Variants in SGIP1 observed in about 807,000 individuals in gnomAD.
The protein encoded by SGIP1 is SH3-containing GRB2-like protein 3-interacting protein 1.
In SGIP1, 38 loss-of-function variants were observed where a neutral mutation model predicts 107.5. That is an observed-to-expected ratio of 0.35 (90% CI 0.27 to 0.46). The LOEUF (loss-of-function observed/expected upper bound fraction) is 0.46, where lower values mean the gene tolerates loss of function less well. Ranked by LOEUF, SGIP1 falls within the 20% of genes least tolerant of loss-of-function variation. The pLI, the probability that SGIP1 is intolerant of heterozygous loss-of-function variation, is 1.00. For missense variants in SGIP1, 929 were observed against 1,019.5 expected (o/e 0.91, Z 1.21); for synonymous variants, 365 against 366.1 (o/e 1.00, Z 0.03).
At chr1:66,673,142 C>T (rs115460962) in intron 11 of SGIP1, 139 bp from the exon 12 acceptor site, 1 of 788,052 alleles carries the variant, frequency 1.3e-6, no homozygotes, top group African/African-American at 1.7e-5. Flanking sequence ...CCTAACGGGG[C>T]TTGTATACAC....
chr1:66,706,337 T>C (rs1210894787), intron 18 of SGIP1, among the ~76,000 whole-genome samples: 1 of 109,508 alleles, frequency 9.1e-6, no homozygotes, highest in Admixed American at 9.9e-5. Flanking sequence ...TTATATAATA[T>C]GTAAAATATA....
intron 18 of SGIP1, among the ~76,000 whole-genome samples, chr1:66,706,398 GT>G (rs1243722135): frequency 2.1e-4 from 30 of 144,224 alleles, no homozygotes; most frequent in Non-Finnish European, 3.5e-4. Flanking sequence ...ATATAAAATA[GT>G]TATATATAAA....
In SGIP1 at chr1:66,677,095, A is replaced by G. The variant is rs2085552470; in HGVS notation, c.738A>G (p.Gly246=). The G allele has an allele frequency of 6.2e-7, 1 of 1,613,060 alleles. No individual in the cohort carries two copies. The highest frequency in any genetic ancestry group is 8.5e-7 in the Non-Finnish European group (1 of 1,179,162). ...AGTTAACAAGGCCTTTTCCCACTGG[A>G]AGTAAGTTATGTGTCTGCTCTGTCT... ...SPKLTRPFPT[G]TPPPLPPKNV... The change falls in exon 13 of 25, where the codon GGA becomes GGG. Residue 246 remains glycine (G), a splice_region_variant and synonymous_variant. Transcript: ENST00000371037.
chr1:66,667,062 GC>G (rs2082721334), intron 8 of SGIP1: 1 of 153,228 alleles, frequency 6.5e-6, no homozygotes, highest in African/African-American at 2.4e-5. Flanking sequence ...TCTAAATCCT[GC>G]CTCTGATTTT....
At chr1:66,684,991 C>T (rs533658776) in intron 15 of SGIP1, among the ~76,000 whole-genome samples, 7 of 152,160 alleles carry the variant, frequency 4.6e-5, no homozygotes, top group Non-Finnish European at 1.0e-4. Flanking sequence ...AAATAAAACT[C>T]TGCAGTATTA....
At chr1:66,659,506 C>T (rs534087739) in intron 7 of SGIP1, among the ~76,000 whole-genome samples, 1 of 152,280 alleles carries the variant, frequency 6.6e-6, no homozygotes, top group Admixed American at 6.5e-5. Context: ...ATTTCATGAC[C>T]GTGCCCAGCT....
At chr1:66,569,519 A>G (rs539457182) in intron 1 of SGIP1, among the ~76,000 whole-genome samples, 1 of 151,662 alleles carries the variant, frequency 6.6e-6, no homozygotes, top group Non-Finnish European at 1.5e-5. Flanking sequence ...TAGCCTGTTG[A>G]TGTAATGGAT....
intron 1 of SGIP1, among the ~76,000 whole-genome samples, chr1:66,571,813 GC>G (rs2060421516): frequency 6.6e-6 from 1 of 150,806 alleles, no homozygotes; most frequent in South Asian, 2.1e-4. Context: ...CCCACCATAT[GC>G]CTTTTCATGA....
intron 1 of SGIP1, among the ~76,000 whole-genome samples, chr1:66,562,193 G>A (rs927797508): frequency 6.6e-6 from 1 of 151,906 alleles, no homozygotes; most frequent in East Asian, 1.9e-4. Context: ...TGACAGACAG[G>A]GTAGACATGG....
intron 1 of SGIP1, among the ~76,000 whole-genome samples, chr1:66,546,767 G>A (rs893858132): frequency 2.6e-5 from 4 of 152,196 alleles, no homozygotes; most frequent in African/African-American, 9.6e-5. Flanking sequence ...GTAGTGAAGA[G>A]AAATTGATTT....
At chr1:66,619,167 T>A (rs2070269998) in intron 1 of SGIP1, among the ~76,000 whole-genome samples, 1 of 152,166 alleles carries the variant, frequency 6.6e-6, no homozygotes, top group African/African-American at 2.4e-5. Context: ...CTAGTCCTTG[T>A]CTTGTCCAAG....
intron 7 of SGIP1, among the ~76,000 whole-genome samples, chr1:66,650,825 A>G (rs1247614457): frequency 6.6e-6 from 1 of 152,174 alleles, no homozygotes; most frequent in African/African-American, 2.4e-5. Context: ...CAGAGAGCCA[A>G]TAATCCCTTC....
At chr1:66,567,907 C>G (rs1302127723) in intron 1 of SGIP1, among the ~76,000 whole-genome samples, 3 of 152,076 alleles carry the variant, frequency 2.0e-5, no homozygotes, top group African/African-American at 4.8e-5. Flanking sequence ...GTTACTGTAG[C>G]CTTGTAGTAT....
At chr1:66,710,068 A>T (rs953953550) in intron 18 of SGIP1, among the ~76,000 whole-genome samples, 2 of 151,996 alleles carry the variant, frequency 1.3e-5, no homozygotes, top group African/African-American at 2.4e-5. Flanking sequence ...GGAAAAAATT[A>T]AAAATTTATA....
intron 1 of SGIP1, among the ~76,000 whole-genome samples, chr1:66,592,894 C>CTTTTTTTTT (rs1558004086): frequency 2.1e-5 from 2 of 94,134 alleles, no homozygotes; most frequent in African/African-American, 8.4e-5. Context: ...CTTTCTTCTT[C>CTTTTTTTTT]TTCTTTTTTT....
chr1:66,689,253 G>C lies in SGIP1; in HGVS notation c.1421G>C (p.Gly474Ala). Reference protein sequence around the residue: ...RPPSRPKLPPGKPGVGDVSRP... With the variant: ...RPPSRPKLPPAKPGVGDVSRP... ...CCATCCCGGCCAAAGCTACCTCCAG[G>C]AAAACCTGGAGTTGGAGATGTGGTA... Residue 474 changes from glycine to alanine, a missense_variant, in exon 16 of 25, where the codon GGA becomes GCA. Transcript: ENST00000371037. 6.2e-7 allele frequency: 1 copy of C among 1,613,460 alleles called. No homozygotes were observed. Among genetic ancestry groups the C allele is most frequent in the Non-Finnish European group, 8.5e-7 (1 of 1,179,682 alleles).
At chr1:66,740,515 G>C in intron 22 of SGIP1, 143 bp from the exon 23 acceptor site, 1 of 653,160 alleles carries the variant, frequency 1.5e-6, no homozygotes, top group Non-Finnish European at 2.7e-6. Context: ...GGAGGGGAGA[G>C]AGAGAGACAG....
chr1:66,679,196 C>T (rs72669488), intron 13 of SGIP1, among the ~76,000 whole-genome samples: 19,994 of 152,146 alleles, frequency 0.13, 1,366 homozygotes, highest in South Asian at 0.16. Context: ...TCAATCTGGA[C>T]ACTAAGATCC....
intron 18 of SGIP1, among the ~76,000 whole-genome samples, chr1:66,712,007 C>G (rs1395945085): frequency 1.3e-5 from 2 of 152,072 alleles, no homozygotes; most frequent in Admixed American, 6.6e-5. Flanking sequence ...AGCCTACACC[C>G]TCTGACACCC....
Sources: allele counts gnomAD v4.1 joint callset (sites outside exome capture counted in the v4.1 genomes callset), GRCh38; gene constraint gnomAD v4.1.1; transcripts MANE v1.5; gene names NCBI Gene and HGNC (gene_info 2026-07-23, HGNC 2026-07-21).